Variants in OPTN observed in about 807,000 individuals in gnomAD.
OPTN encodes E3-14.7K-interacting protein.
Under a neutral mutation model 70.4 loss-of-function variants are expected in OPTN, and 54 were observed. The ratio of observed to expected loss-of-function variants is 0.77; its 90% confidence interval spans 0.62 to 0.96. OPTN has a LOEUF of 0.96. OPTN is among the 40% of genes least tolerant of loss of function. The pLI, the probability that OPTN is intolerant of heterozygous loss-of-function variation, is 0.00. For missense variants in OPTN, 624 were observed against 673.2 expected (o/e 0.93, Z 0.81); for synonymous variants, 256 against 248.5 (o/e 1.03, Z -0.28).
rs200114679 is a variant in OPTN at position 13,124,021 on chromosome 10, C to A, written c.909C>A (p.Asn303Lys). 533 of 1,613,818 alleles carry A rather than the reference C, an allele frequency of 3.3e-4. 2 individuals are homozygous for A. The Middle Eastern group carries it at 3.8e-3, about 11-fold the overall frequency. The change falls in exon 9 of 15, where the codon AAC (asparagine) becomes AAA (lysine). Residue 303 changes from asparagine to lysine, a missense_variant. By Grantham distance (94) the Asn-to-Lys change is moderately conservative. Coordinates refer to ENST00000378747, the MANE Select transcript of OPTN (RefSeq NM_001008212.2). ...ETVGSEVEAL[N>K]LQVTSLFKEL... is the part of the protein sequence containing the mutation. Reference sequence around the variant, plus strand: ...TTGGAAGCGAAGTGGAAGCACTGAACCTCCAGGTGACATCTCTGTTTAAGG... The same window carrying A: ...TTGGAAGCGAAGTGGAAGCACTGAAACTCCAGGTGACATCTCTGTTTAAGG...
Position 13,114,795 on chromosome 10 carries a change from T to TAC in OPTN, c.553-1471_553-1470insCA, listed in dbSNP as rs1564358733. 1.8e-3 allele frequency among the ~76,000 whole-genome samples: 172 copies of TAC among 96,236 alleles called. 11 individuals are homozygous for TAC. The highest frequency in any genetic ancestry group is 3.0e-3 in the Non-Finnish European group (154 of 51,864). The allele number at this position is 96,236 out of a possible 152,430, so 63.1% of individuals were successfully genotyped here. A position where few individuals can be genotyped will look rare whatever the true frequency, so the allele number is the denominator to read the frequency against. ...TTATATAATTATATAATTATATAAT[T>TAC]ATATATACATATATATAATTATATA... On this transcript the variant is annotated intron_variant, in intron 5 of 14. Transcript: ENST00000378747.
chr10:13,119,134 A>T, intron 7 of OPTN, 94 bp downstream of exon 7: 1 of 1,171,002 alleles, frequency 8.5e-7, no homozygotes, highest in Non-Finnish European at 1.2e-6. Flanking sequence ...TTTAAAGTAT[A>T]CATTTCAGTG....
In OPTN at chr10:13,112,524, G is replaced by A. The variant is rs886046819; in HGVS notation, c.441G>A (p.Val147=). 4 of 1,614,118 alleles carry A rather than the reference G, an allele frequency of 2.5e-6. No individual in the cohort carries two copies. Among genetic ancestry groups the A allele is most frequent in the South Asian group, 1.1e-5 (1 of 91,078 alleles). Residue 147 remains valine (V), a synonymous_variant, in exon 5 of 15, where the codon GTG becomes GTA. Transcript: ENST00000378747. Reference sequence around the variant, plus strand: ...AAAAGGACCAGCTCAGGACCCAGGTGGTGAGGCTACAAGCAGAGAAGGCAG... The same window carrying A: ...AAAAGGACCAGCTCAGGACCCAGGTAGTGAGGCTACAAGCAGAGAAGGCAG... ...EQEKDQLRTQ[V]VRLQAEKADL...
intron 6 of OPTN, among the ~76,000 whole-genome samples, chr10:13,118,522 A>C (rs977152894): frequency 6.6e-6 from 1 of 152,220 alleles, no homozygotes; most frequent in African/African-American, 2.4e-5. Context: ...GTCTGACTGC[A>C]GTCCCCTTTG....
rs752642289 is a variant in OPTN at position 13,105,169 on chromosome 10, ACTT to A, written c.-163-2965_-163-2963del. 4.6e-5 allele frequency among the ~76,000 whole-genome samples: 7 copies of A among 152,196 alleles called. No homozygotes were observed. In the East Asian group the frequency reaches 1.2e-3, roughly 25 times the overall value. On this transcript the variant is annotated intron_variant, in intron 1 of 14. Coordinates refer to ENST00000378747, the MANE Select transcript of OPTN (RefSeq NM_001008212.2). ...ATGCTTATATTTACCGTTTATGCTA[ACTT>A]CTTATGTTTGATGACATTTGAATTA...
intron 13 of OPTN, among the ~76,000 whole-genome samples, chr10:13,132,759 A>T (rs67121368): frequency 0.23 from 34,725 of 152,070 alleles, 4,435 homozygotes; most frequent in Middle Eastern, 0.39. Context: ...TAAATTCCTG[A>T]ATATTCTTTA....
At chr10:13,127,676 T>C (rs1833496722) in intron 11 of OPTN, 69 bp from the exon 12 acceptor site, 2 of 1,529,294 alleles carry the variant, frequency 1.3e-6, no homozygotes, top group Non-Finnish European at 1.8e-6. Context: ...ATAAACCTTT[T>C]TCTAATATTT....
chr10:13,128,296 T>C (rs1346863908), intron 12 of OPTN, among the ~76,000 whole-genome samples: 6 of 152,074 alleles, frequency 3.9e-5, no homozygotes, highest in Admixed American at 3.9e-4. Context: ...TGGACCAGTT[T>C]TCACTCCCAT....
chr10:13,123,637 TG>T (rs975595509), intron 8 of OPTN, among the ~76,000 whole-genome samples: 4 of 152,232 alleles, frequency 2.6e-5, no homozygotes, highest in African/African-American at 9.6e-5. Flanking sequence ...GAAGAGAGTA[TG>T]GGGGCAAGTT....
In OPTN at chr10:13,110,261, G is replaced by C; in HGVS notation, c.167-13G>C. 2 of 1,613,146 alleles carry C rather than the reference G, an allele frequency of 1.2e-6. No homozygotes were observed. Among genetic ancestry groups the C allele is most frequent in the South Asian group, 2.2e-5 (2 of 90,662 alleles). The stretch of plus-strand genomic sequence containing the variant: ...TCCTGGTGTGTGACTCCATCACTCT[G>C]AACCTCCTGCAGAAGCCATGAAGCT... On this transcript the variant is annotated splice_polypyrimidine_tract_variant and intron_variant, in intron 3 of 14. Coordinates refer to ENST00000378747, the MANE Select transcript of OPTN (RefSeq NM_001008212.2).
intron 6 of OPTN, among the ~76,000 whole-genome samples, chr10:13,117,689 C>T (rs993032907): frequency 6.8e-6 from 1 of 147,348 alleles, no homozygotes; most frequent in African/African-American, 2.5e-5. Context: ...TCAGGTGATC[C>T]TCTGGTCTCA....
At chr10:13,136,704 C>A in intron 14 of OPTN, 41 bp from the exon 15 acceptor site, 1 of 1,613,266 alleles carries the variant, frequency 6.2e-7, no homozygotes, top group Non-Finnish European at 8.5e-7. Flanking sequence ...ACACAACTGC[C>A]TGCAAAATGG....
intron 11 of OPTN, among the ~76,000 whole-genome samples, chr10:13,127,171 G>A (rs1316092149): frequency 1.3e-5 from 2 of 152,106 alleles, no homozygotes; most frequent in East Asian, 3.8e-4. Flanking sequence ...TTTTAAAGAG[G>A]AGGTTTTGCC....
chr10:13,125,349 G>A, intron 9 of OPTN, 69 bp from the exon 10 acceptor site: 9 of 1,544,448 alleles, frequency 5.8e-6, no homozygotes, highest in Non-Finnish European at 8.0e-6. Context: ...ATAACCTTGG[G>A]GTTTGTTTAA....
chr10:13,101,366 CT>C (rs1564350536), intron 1 of OPTN, among the ~76,000 whole-genome samples: 2 of 151,998 alleles, frequency 1.3e-5, no homozygotes, highest in African/African-American at 4.8e-5. Context: ...GCATATTATG[CT>C]AGGAATATAA....
chr10:13,116,261 TC>T lies in OPTN; in HGVS notation c.553-5del. 6.3e-7 allele frequency: 1 copy of T among 1,591,396 alleles called. No homozygotes were observed. The highest frequency in any genetic ancestry group is 8.6e-7 in the Non-Finnish European group (1 of 1,159,484). On this transcript the variant is annotated splice_region_variant and splice_polypyrimidine_tract_variant and intron_variant, in intron 5 of 14. Coordinates refer to ENST00000378747, the MANE Select transcript of OPTN (RefSeq NM_001008212.2). ...TGTTAAATCCCTTGCATTTCTGTTT[TC>T]ACAGGAAGGAGAAGCAGAAGGGTCA...
At chr10:13,114,052 G>A (rs1009687559) in intron 5 of OPTN, among the ~76,000 whole-genome samples, 4 of 151,894 alleles carry the variant, frequency 2.6e-5, no homozygotes. Flanking sequence ...GGGTGACAGA[G>A]CAAGACTCTG....
intron 14 of OPTN, among the ~76,000 whole-genome samples, chr10:13,136,343 A>C (rs1231264427): frequency 6.6e-6 from 1 of 151,886 alleles, no homozygotes; most frequent in Non-Finnish European, 1.5e-5. Context: ...CCACATCTCT[A>C]CTAAAAATAC....
At chr10:13,102,398 A>G (rs1832770496) in intron 1 of OPTN, among the ~76,000 whole-genome samples, 1 of 152,200 alleles carries the variant, frequency 6.6e-6, no homozygotes, top group Non-Finnish European at 1.5e-5. Flanking sequence ...AAAAGAAACC[A>G]TGAGGGCAAG....
Sources: gnomAD v4.1 joint callset for allele counts (sites outside exome capture counted in the v4.1 genomes callset) on GRCh38, gnomAD v4.1.1 for gene constraint, MANE v1.5 for transcripts, NCBI Gene and HGNC (gene_info 2026-07-23, HGNC 2026-07-21) for gene names.